The following LRRFIP2 variants were observed in gnomAD, a reference collection of about 807,000 sequenced individuals.
The protein encoded by LRRFIP2 is LRR binding FLII interacting protein 2.
LRRFIP2 carries 109 observed loss-of-function variants against 125.9 expected under a neutral mutation model. The observed-to-expected ratio is 0.87, with a 90% CI of 0.74 to 1.01. The LOEUF (loss-of-function observed/expected upper bound fraction) is 1.01. Among genes scored for constraint, LRRFIP2 ranks in the 50% least tolerant of loss-of-function variants. The pLI, the probability that LRRFIP2 is intolerant of heterozygous loss-of-function variation, is 0.00. For synonymous variants in LRRFIP2, 291 were observed against 293.1 expected (o/e 0.99, Z 0.07); for missense variants, 850 against 862.3 (o/e 0.99, Z 0.18).
intron 1 of LRRFIP2, among the ~76,000 whole-genome samples, chr3:37,151,599 CT>C (rs796655140): frequency 0.011 from 1,483 of 139,234 alleles, 9 homozygotes; most frequent in Middle Eastern, 0.019. Flanking sequence ...TTTTTTTTTT[CT>C]TTTTTTTTTT....
chr3:37,173,472 T>C (rs1011984102), intron 1 of LRRFIP2, among the ~76,000 whole-genome samples: 3 of 152,182 alleles, frequency 2.0e-5, no homozygotes, highest in Non-Finnish European at 4.4e-5. Flanking sequence ...TAAATGATGA[T>C]CACAGATTAT....
intron 19 of LRRFIP2, among the ~76,000 whole-genome samples, chr3:37,078,783 A>C (rs2092365676): frequency 6.6e-6 from 1 of 152,204 alleles, no homozygotes; most frequent in Admixed American, 6.5e-5. Flanking sequence ...GTACAAGATG[A>C]GACTGGGACA....
rs779684908 is a variant in LRRFIP2 at position 37,108,113 on chromosome 3, T to C, written c.674A>G (p.Tyr225Cys). Residue 225 changes from tyrosine to cysteine, a missense_variant, in exon 13 of 28, where the codon TAT (tyrosine) becomes TGT (cysteine). Tyr to Cys is a radical substitution (Grantham distance 194). Transcript: ENST00000336686. ...YGPRTPSECS[Y>C]YSSRISSARS... ...GGCTGAACTTATTCTTGATGAATAA[T>C]AACTGCATTCAGATGGCTATAAAGT... is the stretch of plus-strand genomic sequence containing the variant. 9 of 1,613,492 alleles carry C rather than the reference T, an allele frequency of 5.6e-6. No homozygotes were observed. Among genetic ancestry groups the C allele is most frequent in the Admixed American group, 3.3e-5 (2 of 59,992 alleles).
upstream of LRRFIP2, chr3:37,176,158 A>T (rs913871911): frequency 1.3e-5 from 2 of 152,276 alleles, no homozygotes; most frequent in African/African-American, 4.8e-5. Flanking sequence ...CGAGGGGCGC[A>T]GCTGGACGAC....
At chr3:37,120,562 T>C (rs1374347376) in intron 6 of LRRFIP2, among the ~76,000 whole-genome samples, 2 of 152,098 alleles carry the variant, frequency 1.3e-5, no homozygotes, top group East Asian at 1.9e-4. Flanking sequence ...GGAGTTTATA[T>C]TTGTGAATAT....
chr3:37,103,285 G>C (rs2094165673), intron 14 of LRRFIP2, among the ~76,000 whole-genome samples: 1 of 152,110 alleles, frequency 6.6e-6, no homozygotes, highest in Admixed American at 6.5e-5. Context: ...CTGAGGACCA[G>C]CAAATCTCTC....
At chr3:37,158,132 G>T (rs148438976) in intron 1 of LRRFIP2, among the ~76,000 whole-genome samples, 1 of 152,192 alleles carries the variant, frequency 6.6e-6, no homozygotes, top group African/African-American at 2.4e-5. Context: ...AAATTAGGAA[G>T]ATAGACTAAA....
chr3:37,166,939 TGGGAG>T (rs767060272), intron 1 of LRRFIP2, among the ~76,000 whole-genome samples: 133 of 151,342 alleles, frequency 8.8e-4, no homozygotes, highest in Non-Finnish European at 8.6e-4. Context: ...CGCTTCAACC[TGGGAG>T]GCAGAGGTTG....
In LRRFIP2 at chr3:37,056,107, GCA is replaced by G. The variant is rs561723755; in HGVS notation, c.1871-944_1871-943del. ...AATCTACCTATGTACCTAGCCAAGTGCACACAGTGTATGCCTAAATAAATATA... is the reference window on the plus strand; with the variant it reads ...AATCTACCTATGTACCTAGCCAAGTGCACAGTGTATGCCTAAATAAATATA... On this transcript the variant is annotated intron_variant, in intron 25 of 27. Coordinates refer to ENST00000336686, the MANE Select transcript of LRRFIP2 (RefSeq NM_006309.4). Among the ~76,000 whole-genome samples, 9 of 152,304 alleles carry G rather than the reference GCA, an allele frequency of 5.9e-5. No homozygotes were observed. The East Asian group carries it at 1.2e-3, about 20-fold the overall frequency.
At chr3:37,071,584 G>A (rs2091192289) in intron 21 of LRRFIP2, among the ~76,000 whole-genome samples, 1 of 152,152 alleles carries the variant, frequency 6.6e-6, no homozygotes. Flanking sequence ...ACTGGATCCT[G>A]CTGACTACTG....
chr3:37,075,252 T>G (rs2091864826), intron 19 of LRRFIP2, 136 bp from the exon 20 acceptor site: 1 of 518,918 alleles, frequency 1.9e-6, no homozygotes, highest in Admixed American at 3.5e-5. Context: ...CTTAGAAAAA[T>G]TGTGTATTCT....
chr3:37,101,281 C>T (rs1559843928), intron 15 of LRRFIP2, among the ~76,000 whole-genome samples: 2 of 151,110 alleles, frequency 1.3e-5, no homozygotes, highest in Admixed American at 6.6e-5. Flanking sequence ...CACTTGAACT[C>T]GGAGGGTGGG....
intron 6 of LRRFIP2, among the ~76,000 whole-genome samples, chr3:37,117,989 T>A (rs763114669): frequency 4.7e-4 from 71 of 152,326 alleles, no homozygotes; most frequent in Non-Finnish European, 7.1e-4. Flanking sequence ...ATTAAAATTA[T>A]ACCAAGGCTA....
At chr3:37,088,387 A>G (rs2093216307) in intron 18 of LRRFIP2, among the ~76,000 whole-genome samples, 1 of 152,114 alleles carries the variant, frequency 6.6e-6, no homozygotes, top group South Asian at 2.1e-4. Flanking sequence ...ATATTTAAAA[A>G]GAACATTGGC....
chr3:37,087,212 G>C (rs893216424), intron 18 of LRRFIP2, among the ~76,000 whole-genome samples: 3 of 152,250 alleles, frequency 2.0e-5, no homozygotes, highest in African/African-American at 4.8e-5. Context: ...TTTAAACTAC[G>C]ATTAGAAACA....
chr3:37,065,133 T>TA (rs3836486), intron 23 of LRRFIP2: 55,776 of 153,860 alleles, frequency 0.36, 11,081 homozygotes, highest in Non-Finnish European at 0.45. Context: ...AAAAGTGAGC[T>TA]AATGATACAG....
At chr3:37,146,359 C>T (rs1373025362) in intron 2 of LRRFIP2, among the ~76,000 whole-genome samples, 1 of 152,206 alleles carries the variant, frequency 6.6e-6, no homozygotes, top group Non-Finnish European at 1.5e-5. Context: ...AGGTTTGTTA[C>T]ATAGGTAAAC....
chr3:37,115,564 A>C (rs1559912567), intron 6 of LRRFIP2, among the ~76,000 whole-genome samples: 1 of 152,240 alleles, frequency 6.6e-6, no homozygotes, highest in Admixed American at 6.5e-5. Flanking sequence ...TCAAGCTTAC[A>C]AAAGAACAAT....
At chr3:37,127,425 T>C (rs2095311884) in intron 4 of LRRFIP2, among the ~76,000 whole-genome samples, 1 of 152,102 alleles carries the variant, frequency 6.6e-6, no homozygotes, top group Non-Finnish European at 1.5e-5. Context: ...ATTCATGAGA[T>C]GAAGGTGAGG....
Sources: gnomAD v4.1 joint callset for allele counts (sites outside exome capture counted in the v4.1 genomes callset) on GRCh38, gnomAD v4.1.1 for gene constraint, MANE v1.5 for transcripts, NCBI Gene and HGNC (gene_info 2026-07-23, HGNC 2026-07-21) for gene names.